The following KCNK13 variants were observed in gnomAD, a reference collection of about 807,000 sequenced individuals.
KCNK13 encodes the protein potassium two pore domain channel subfamily K member 13.
A neutral mutation model predicts 23.4 loss-of-function variants in KCNK13; 12 were observed. That is an observed-to-expected ratio of 0.51 (90% CI 0.33 to 0.83). The LOEUF is 0.83. Ranked by LOEUF, KCNK13 falls within the 40% of genes least tolerant of loss-of-function variation. The pLI, the probability that KCNK13 is intolerant of heterozygous loss-of-function variation, is 0.02. For synonymous variants in KCNK13, 231 were observed against 229.5 expected, an observed-to-expected ratio of 1.01 and a Z score of -0.06; for missense variants, 463 against 556.3, an observed-to-expected ratio of 0.83 and a Z score of 1.69.
intron 1 of KCNK13, among the ~76,000 whole-genome samples, chr14:90,092,801 A>G (rs1386678469): frequency 6.7e-6 from 1 of 150,178 alleles, no homozygotes; most frequent in African/African-American, 2.5e-5. Context: ...TAATCCCTCT[A>G]CTCAGGAGGC....
intron 1 of KCNK13, among the ~76,000 whole-genome samples, chr14:90,087,146 ATATATATATT>A (rs1889288855): frequency 1.8e-5 from 2 of 112,642 alleles, no homozygotes; most frequent in African/African-American, 7.2e-5. Flanking sequence ...ATATATATAT[ATATATATATT>A]TTTTTTTTTT....
intron 1 of KCNK13, among the ~76,000 whole-genome samples, chr14:90,084,505 G>A (rs1485849603): frequency 1.3e-5 from 2 of 152,154 alleles, no homozygotes; most frequent in African/African-American, 2.4e-5. Flanking sequence ...GCCTTGCTAC[G>A]CTAATGTATT....
Position 90,184,750 on chromosome 14 carries a change from T to C in KCNK13, c.974T>C (p.Ile325Thr). The change falls in exon 2 of 2, where the codon ATC (isoleucine) becomes ACC (threonine). Residue 325 changes from isoleucine to threonine, a missense_variant. Ile to Thr is a moderately conservative substitution (Grantham distance 89, BLOSUM62 -1). Around this residue, in one of 3 missense-constraint regions of KCNK13, gnomAD observed 166 missense variants for 178.8 expected, o/e 0.93. Coordinates refer to ENST00000282146, the MANE Select transcript of KCNK13 (RefSeq NM_022054.4). This position sits in a 1 kb window ranked among gnomAD's most constrained non-coding sequence, Gnocchi z 5.6. Reference protein sequence around the residue: ...MPGSVRNRCNISIETDGVAES... With the variant: ...MPGSVRNRCNTSIETDGVAES... ...GGCAGCGTCCGGAACCGCTGCAACA[T>C]CTCCATAGAGACAGACGGGGTGGCA... 6.2e-7 allele frequency: 1 copy of C among 1,613,982 alleles called. No individual in the cohort carries two copies. The highest frequency in any genetic ancestry group is 8.5e-7 in the Non-Finnish European group (1 of 1,179,988).
intron 1 of KCNK13, among the ~76,000 whole-genome samples, chr14:90,167,642 G>A (rs1375285119): frequency 1.3e-5 from 2 of 152,100 alleles, no homozygotes; most frequent in African/African-American, 4.8e-5. Flanking sequence ...TAGAACACTG[G>A]GGACCCAGGC....
intron 1 of KCNK13, among the ~76,000 whole-genome samples, chr14:90,174,494 A>G (rs912820279): frequency 7.9e-5 from 12 of 152,144 alleles, no homozygotes; most frequent in African/African-American, 2.9e-4. Context: ...GAGCCAAACC[A>G]TATCACGTAG....
intron 1 of KCNK13, among the ~76,000 whole-genome samples, chr14:90,092,959 G>C (rs182631880): frequency 6.8e-6 from 1 of 146,672 alleles, no homozygotes; most frequent in Non-Finnish European, 1.5e-5. Flanking sequence ...AGAAACAGGC[G>C]AGGGAGACTA....
intron 1 of KCNK13, among the ~76,000 whole-genome samples, chr14:90,097,612 G>A (rs1889427443): frequency 6.6e-6 from 1 of 152,108 alleles, no homozygotes. Context: ...CCATCTCATT[G>A]ACTGCCACAA....
chr14:90,134,609 A>G (rs191899223), intron 1 of KCNK13, among the ~76,000 whole-genome samples: 1 of 152,344 alleles, frequency 6.6e-6, no homozygotes, highest in Admixed American at 6.5e-5. Flanking sequence ...CACGTTATTT[A>G]ACTCTTATGT....
At chr14:90,100,050 A>C (rs1042684626) in intron 1 of KCNK13, among the ~76,000 whole-genome samples, 1 of 152,188 alleles carries the variant, frequency 6.6e-6, no homozygotes, top group Non-Finnish European at 1.5e-5. Context: ...TGCCCTTCCC[A>C]TCGCAAGCCA....
At chr14:90,082,228 ATT>A (rs200927063) in intron 1 of KCNK13, among the ~76,000 whole-genome samples, 6 of 142,626 alleles carry the variant, frequency 4.2e-5, no homozygotes, top group Non-Finnish European at 3.1e-5. Context: ...CACCCAGCTA[ATT>A]TTTTTTTTTT....
intron 1 of KCNK13, among the ~76,000 whole-genome samples, chr14:90,082,672 A>G (rs1889227451): frequency 6.6e-6 from 1 of 152,234 alleles, no homozygotes; most frequent in Non-Finnish European, 1.5e-5. Flanking sequence ...TCAGTTAATC[A>G]GTTGATGGAC....
At chr14:90,103,887 TTC>T (rs1206894405) in intron 1 of KCNK13, among the ~76,000 whole-genome samples, 3 of 152,058 alleles carry the variant, frequency 2.0e-5, no homozygotes, top group African/African-American at 7.2e-5. Context: ...TTGTTGTTGT[TTC>T]TCTCTCTCTC....
At chr14:90,128,901 C>T (rs750797831) in intron 1 of KCNK13, among the ~76,000 whole-genome samples, 7 of 152,156 alleles carry the variant, frequency 4.6e-5, no homozygotes, top group Admixed American at 6.5e-5. Flanking sequence ...CCGTCCCCAC[C>T]GCCAACCTGA....
At chr14:90,178,231 C>CAAAAA (rs34726346) in intron 1 of KCNK13, among the ~76,000 whole-genome samples, 56 of 75,066 alleles carry the variant, frequency 7.5e-4, no homozygotes, top group African/African-American at 1.2e-3. Context: ...TTCCTAAAAG[C>CAAAAA]AAAAAAAAAA....
chr14:90,130,320 C>T (rs1449673242), intron 1 of KCNK13, among the ~76,000 whole-genome samples: 1 of 151,852 alleles, frequency 6.6e-6, no homozygotes, highest in Non-Finnish European at 1.5e-5. Flanking sequence ...CTGCCTCAGC[C>T]TCCTGAGTAG....
At chr14:90,126,832 G>A (rs1459236697) in intron 1 of KCNK13, among the ~76,000 whole-genome samples, 7 of 151,998 alleles carry the variant, frequency 4.6e-5, no homozygotes, top group Admixed American at 3.9e-4. Flanking sequence ...TGTAAGCCAC[G>A]GTGCCCCGCC....
At chr14:90,131,859 C>T (rs1373459033) in intron 1 of KCNK13, among the ~76,000 whole-genome samples, 2 of 152,202 alleles carry the variant, frequency 1.3e-5, no homozygotes, top group Non-Finnish European at 2.9e-5. Flanking sequence ...GCAACGGCTA[C>T]AGAAAACAGT....
At chr14:90,082,745 TA>T (rs1889228315) in intron 1 of KCNK13, among the ~76,000 whole-genome samples, 2 of 152,252 alleles carry the variant, frequency 1.3e-5, no homozygotes, top group South Asian at 4.1e-4. Flanking sequence ...AATAAGTTTA[TA>T]AAAACGTATG....
chr14:90,130,447 G>T (rs767725382), intron 1 of KCNK13, among the ~76,000 whole-genome samples: 3 of 151,718 alleles, frequency 2.0e-5, no homozygotes, highest in Admixed American at 2.0e-4. Context: ...TAATCTGCCC[G>T]CCTCGGCCTC....
Sources: allele counts gnomAD v4.1 joint callset (sites outside exome capture counted in the v4.1 genomes callset), GRCh38; gene constraint gnomAD v4.1.1; regional missense constraint gnomAD v4.1.1; non-coding constraint Gnocchi (gnomAD v3.1); transcripts MANE v1.5; gene names NCBI Gene and HGNC (gene_info 2026-07-23, HGNC 2026-07-21).